Variants in AKAP13 observed in about 807,000 individuals in gnomAD.
AKAP13 encodes the protein A-kinase anchor protein 13.
Under a neutral mutation model 264.5 loss-of-function variants are expected in AKAP13, and 80 were observed. The observed-to-expected ratio is 0.30, with a 90% CI of 0.25 to 0.36. AKAP13 has a LOEUF of 0.36. Among genes scored for constraint, AKAP13 ranks in the 10% least tolerant of loss-of-function variants. The pLI is 1.00. For synonymous variants in AKAP13, 1,380 were observed against 1,250.2 expected, an observed-to-expected ratio of 1.10 and a Z score of -2.19; for missense variants, 3,712 against 3,435.2, an observed-to-expected ratio of 1.08 and a Z score of -2.01.
chr15:85,465,264 C>T (rs565145103), intron 1 of AKAP13, among the ~76,000 whole-genome samples: 1 of 151,966 alleles, frequency 6.6e-6, no homozygotes, highest in South Asian at 2.1e-4. Context: ...GCATTAATTA[C>T]TTTTTAACCT....
chr15:85,416,148 A>AT (rs1407344584), intron 1 of AKAP13, among the ~76,000 whole-genome samples: 2 of 152,280 alleles, frequency 1.3e-5, no homozygotes, highest in Non-Finnish European at 2.9e-5. Flanking sequence ...TTACTCTTTT[A>AT]TAATTGTAGA....
intron 2 of AKAP13, among the ~76,000 whole-genome samples, chr15:85,488,262 C>A (rs371172456): frequency 2.0e-5 from 3 of 152,260 alleles, no homozygotes; most frequent in African/African-American, 4.8e-5. Context: ...GGCAACCTGG[C>A]ATTTCTGAGG....
At position 85,460,121 on chromosome 15, in the gene AKAP13, T is replaced by C. The variant is rs62022081; in HGVS notation, c.-11-25589T>C. ...CATGCTATTTTAATGCTTACAGACT[T>C]TTAATGGCTTCCCATTGCACCTGGA... On this transcript the variant is annotated intron_variant, in intron 1 of 36. Transcript: ENST00000394518. Among the ~76,000 whole-genome samples, 557 of 152,372 alleles carry C rather than the reference T, an allele frequency of 3.7e-3. 2 individuals are homozygous for C. The highest frequency in any genetic ancestry group is 6.7e-3 in the Non-Finnish European group (456 of 68,034).
At chr15:85,742,348 C>G (rs2089083753) in intron 35 of AKAP13, among the ~76,000 whole-genome samples, 1 of 152,208 alleles carries the variant, frequency 6.6e-6, no homozygotes, top group African/African-American at 2.4e-5. Flanking sequence ...GGAAGCACAC[C>G]AAGAATAAAA....
chr15:85,502,966 A>G (rs574231900), intron 2 of AKAP13, among the ~76,000 whole-genome samples: 1 of 152,348 alleles, frequency 6.6e-6, no homozygotes, highest in South Asian at 2.1e-4. Context: ...GTGTTTTACT[A>G]GAAGAGATTA....
At chr15:85,699,824 G>A (rs2085806415) in intron 17 of AKAP13, among the ~76,000 whole-genome samples, 1 of 152,222 alleles carries the variant, frequency 6.6e-6, no homozygotes, top group South Asian at 2.1e-4. Context: ...GCTTGAATCA[G>A]AAGTAGTATA....
At chr15:85,620,237 T>C in intron 8 of AKAP13, 1 of 1,401,998 alleles carries the variant, frequency 7.1e-7, no homozygotes, top group South Asian at 1.2e-5. Context: ...TTGAACCCGG[T>C]AGCCATGTCC....
intron 23 of AKAP13, among the ~76,000 whole-genome samples, chr15:85,721,272 G>A (rs752765459): frequency 6.6e-6 from 1 of 152,188 alleles, no homozygotes; most frequent in Non-Finnish European, 1.5e-5. Context: ...ATAACTTACC[G>A]TCCCTCTGTC....
chr15:85,604,234 T>C (rs1469460549), intron 8 of AKAP13, among the ~76,000 whole-genome samples: 4 of 152,224 alleles, frequency 2.6e-5, no homozygotes, highest in African/African-American at 9.6e-5. Context: ...ACATAATAAA[T>C]ACATTTGAAG....
intron 4 of AKAP13, among the ~76,000 whole-genome samples, chr15:85,539,740 T>G (rs372809339): frequency 1.1e-4 from 17 of 152,144 alleles, no homozygotes; most frequent in Non-Finnish European, 2.2e-4. Flanking sequence ...TTTTCTGCCT[T>G]CCTTCTCTGT....
At chr15:85,539,797 A>G (rs2077524655) in intron 4 of AKAP13, among the ~76,000 whole-genome samples, 1 of 152,244 alleles carries the variant, frequency 6.6e-6, no homozygotes, top group African/African-American at 2.4e-5. Flanking sequence ...AGTATGGTTA[A>G]ACAGGATAAC....
At chr15:85,531,066 C>T (rs12708554) in intron 3 of AKAP13, among the ~76,000 whole-genome samples, 4 of 151,774 alleles carry the variant, frequency 2.6e-5, no homozygotes, top group Non-Finnish European at 5.9e-5. Context: ...TTGCCATGTT[C>T]GCCAGGCTGG....
chr15:85,491,763 A>G (rs1003758570), intron 2 of AKAP13, among the ~76,000 whole-genome samples: 2 of 152,058 alleles, frequency 1.3e-5, no homozygotes, highest in African/African-American at 4.8e-5. Flanking sequence ...CTTTACCTGC[A>G]GTTGTGTAAT....
chr15:85,454,609 G>C (rs1021548826), intron 1 of AKAP13, among the ~76,000 whole-genome samples: 1 of 151,948 alleles, frequency 6.6e-6, no homozygotes, highest in Non-Finnish European at 1.5e-5. Flanking sequence ...GCTGCCTCTA[G>C]TCGGCTCTGT....
In AKAP13 at chr15:85,717,989, A is replaced by T. The variant is rs541173558; in HGVS notation, c.5849-18A>T. 1.3e-5 allele frequency: 21 copies of T among 1,607,938 alleles called. No individual in the cohort carries two copies. The South Asian group carries it at 1.7e-4, about 13-fold the overall frequency. On this transcript the variant is annotated intron_variant, in intron 21 of 36. Transcript: ENST00000394518. ...GGTCACAAACCTGATTCTGATATTG[A>T]TTTTTTGATATATTGAGGAGTAGGT... is the stretch of plus-strand genomic sequence containing the variant.
At chr15:85,589,981 A>G (rs1174102800) in intron 8 of AKAP13, among the ~76,000 whole-genome samples, 1 of 152,146 alleles carries the variant, frequency 6.6e-6, no homozygotes, top group African/African-American at 2.4e-5. Context: ...GTCTCTAATC[A>G]TTCTCTAGCT....
At chr15:85,681,039 A>C (rs1376362073) in intron 14 of AKAP13, among the ~76,000 whole-genome samples, 2 of 152,102 alleles carry the variant, frequency 1.3e-5, no homozygotes, top group African/African-American at 2.4e-5. Context: ...CCTGGTCTTA[A>C]ACTCCTGACC....
At chr15:85,743,307 T>TG (rs2089194179) in intron 35 of AKAP13, among the ~76,000 whole-genome samples, 185 bp from the exon 36 acceptor site, 1 of 152,150 alleles carries the variant, frequency 6.6e-6, no homozygotes, top group Non-Finnish European at 1.5e-5. Context: ...AGATACTACT[T>TG]GGGGGAGGGC....
chr15:85,726,573 C>A, intron 27 of AKAP13, 87 bp downstream of exon 27: 1 of 1,154,304 alleles, frequency 8.7e-7, no homozygotes, highest in Non-Finnish European at 1.2e-6. Flanking sequence ...CTCTCCCCCG[C>A]CCTCTTAAAA....
Sources: gnomAD v4.1 joint callset for allele counts (sites outside exome capture counted in the v4.1 genomes callset) on GRCh38, gnomAD v4.1.1 for gene constraint, MANE v1.5 for transcripts, NCBI Gene and HGNC (gene_info 2026-07-23, HGNC 2026-07-21) for gene names.